Variants in ZNF385D observed in about 807,000 individuals in gnomAD.
ZNF385D encodes zinc finger protein 385D.
A neutral mutation model predicts 35.8 loss-of-function variants in ZNF385D; 15 were observed. The ratio of observed to expected loss-of-function variants is 0.42; its 90% confidence interval spans 0.28 to 0.64. The LOEUF (loss-of-function observed/expected upper bound fraction) is 0.64. Among genes scored for constraint, ZNF385D ranks in the 30% least tolerant of loss-of-function variants. The pLI, the probability that ZNF385D is intolerant of heterozygous loss-of-function variation, is 0.23. For missense variants in ZNF385D, 474 were observed against 494.6 expected (o/e 0.96, Z 0.39); for synonymous variants, 212 against 186.8 (o/e 1.13, Z -1.10).
intron 3 of ZNF385D, among the ~76,000 whole-genome samples, chr3:21,976,039 C>G (rs1471511386): frequency 6.6e-6 from 1 of 152,126 alleles, no homozygotes; most frequent in Non-Finnish European, 1.5e-5. Flanking sequence ...AGCAAACACT[C>G]AGGCTCTAAC....
intron 2 of ZNF385D, among the ~76,000 whole-genome samples, chr3:22,361,616 G>T (rs548158199): frequency 6.6e-6 from 1 of 151,972 alleles, no homozygotes; most frequent in Admixed American, 6.6e-5. Context: ...TTCCATTCAT[G>T]TACTATCATT....
intron 2 of ZNF385D, among the ~76,000 whole-genome samples, chr3:22,202,928 T>C (rs1696899514): frequency 6.6e-6 from 1 of 152,074 alleles, no homozygotes. Context: ...CTAAAGTGTT[T>C]TGGGGTTCTA....
intron 2 of ZNF385D, among the ~76,000 whole-genome samples, chr3:22,277,946 T>G (rs960458557): frequency 1.3e-5 from 2 of 152,116 alleles, no homozygotes; most frequent in Non-Finnish European, 2.9e-5. Flanking sequence ...CTCTAAAATA[T>G]GTTTAGTATT....
intron 3 of ZNF385D, among the ~76,000 whole-genome samples, chr3:21,962,641 C>A (rs1279491912): frequency 6.6e-6 from 1 of 152,138 alleles, no homozygotes; most frequent in Non-Finnish European, 1.5e-5. Context: ...GAAATGTGGT[C>A]AATATTTATG....
chr3:22,085,459 T>C (rs181411309), intron 3 of ZNF385D, among the ~76,000 whole-genome samples: 4 of 152,092 alleles, frequency 2.6e-5, no homozygotes, highest in Non-Finnish European at 4.4e-5. Context: ...TCCATGCAAA[T>C]AAACTAGAAA....
chr3:21,456,298 G>T (rs1158093295), intron 4 of ZNF385D, among the ~76,000 whole-genome samples: 1 of 152,164 alleles, frequency 6.6e-6, no homozygotes, highest in East Asian at 1.9e-4. Context: ...TATGTTTATT[G>T]TGGCACTATT....
intron 3 of ZNF385D, among the ~76,000 whole-genome samples, chr3:22,097,420 A>C (rs776105575): frequency 2.0e-5 from 3 of 151,994 alleles, no homozygotes; most frequent in Non-Finnish European, 4.4e-5. Context: ...GAAAGAGGTT[A>C]TTGGCTAGGT....
chr3:21,952,240 G>C (rs1702099916), intron 3 of ZNF385D, among the ~76,000 whole-genome samples: 1 of 151,920 alleles, frequency 6.6e-6, no homozygotes, highest in African/African-American at 2.4e-5. Flanking sequence ...TCACTGATCT[G>C]TATTTCCTTG....
chr3:22,140,435 T>C (rs530001485), intron 3 of ZNF385D, among the ~76,000 whole-genome samples: 4 of 152,296 alleles, frequency 2.6e-5, no homozygotes, highest in South Asian at 2.1e-4. Context: ...ATTAGTGTTA[T>C]GAAGATGTTA....
At chr3:21,687,636 T>C (rs2067148973) in intron 1 of ZNF385D, among the ~76,000 whole-genome samples, 2 of 152,184 alleles carry the variant, frequency 1.3e-5, no homozygotes, top group South Asian at 2.1e-4. Flanking sequence ...CTTGGTGTTG[T>C]ACATTCCCTG....
intron 4 of ZNF385D, among the ~76,000 whole-genome samples, chr3:21,447,811 A>C (rs1702234516): frequency 6.6e-6 from 1 of 152,132 alleles, no homozygotes; most frequent in African/African-American, 2.4e-5. Flanking sequence ...ACAAATACTC[A>C]CTCTAGAATC....
At chr3:21,569,418 G>C (rs561664489) in intron 2 of ZNF385D, among the ~76,000 whole-genome samples, 1 of 150,638 alleles carries the variant, frequency 6.6e-6, no homozygotes, top group African/African-American at 2.5e-5. Flanking sequence ...TTGCTTGGTA[G>C]ATCTTCCTCC....
chr3:22,105,108 C>T (rs1164579332), intron 3 of ZNF385D, among the ~76,000 whole-genome samples: 1 of 152,048 alleles, frequency 6.6e-6, no homozygotes, highest in Non-Finnish European at 1.5e-5. Flanking sequence ...TAAGTATTCA[C>T]TTTTACAGTC....
rs555867065 is a variant in ZNF385D at position 22,175,208 on chromosome 3, T to C, written c.107-6173A>G. Among the ~76,000 whole-genome samples, 6 of 152,170 alleles carry C rather than the reference T, an allele frequency of 3.9e-5. No homozygotes were observed. The South Asian group carries it at 1.0e-3, about 26-fold the overall frequency. On this transcript the variant is annotated intron_variant, in intron 2 of 5. Coordinates refer to the ZNF385D transcript ENST00000494108. Reference sequence around the variant, plus strand: ...GTAAAAATATAACAAAGATTTATTATTTGTAAGAATATGATGATACAACTG... The same window carrying C: ...GTAAAAATATAACAAAGATTTATTACTTGTAAGAATATGATGATACAACTG...
chr3:22,212,231 T>C (rs535516353), intron 2 of ZNF385D, among the ~76,000 whole-genome samples: 1 of 152,136 alleles, frequency 6.6e-6, no homozygotes, highest in African/African-American at 2.4e-5. Context: ...CATCAAACGC[T>C]GCCTCATCCC....
At chr3:21,557,691 G>A (rs542217188) in intron 3 of ZNF385D, among the ~76,000 whole-genome samples, 4 of 152,100 alleles carry the variant, frequency 2.6e-5, no homozygotes, top group Non-Finnish European at 4.4e-5. Context: ...AAGTTAGGGA[G>A]GATTCCCTCT....
At chr3:21,452,694 T>C (rs1702533447) in intron 4 of ZNF385D, among the ~76,000 whole-genome samples, 1 of 151,862 alleles carries the variant, frequency 6.6e-6, no homozygotes. Flanking sequence ...AAAACAATGT[T>C]GGAAAAAAAT....
Position 21,416,775 on chromosome 3 carries a change from T to C in ZNF385D, c.*4439A>G, listed in dbSNP as rs772606815. 2 of 152,150 alleles carry C rather than the reference T, an allele frequency of 1.3e-5. No homozygotes were observed. The highest frequency in any genetic ancestry group is 2.9e-5 in the Non-Finnish European group (2 of 68,014). The allele number at this position is 152,150 out of a possible 1,614,324, so 9.4% of individuals were successfully genotyped here. A position where few individuals can be genotyped will look rare whatever the true frequency, so the allele number is the denominator to read the frequency against. On this transcript the variant is annotated 3_prime_UTR_variant, in exon 8 of 8. Transcript: ENST00000281523. The stretch of plus-strand genomic sequence containing the variant: ...TGGTCTTAATAAGGCAACCATTAGT[T>C]AAAATACATGCAAACGCAGGACAGA...
intron 1 of ZNF385D, among the ~76,000 whole-genome samples, chr3:21,671,936 C>T (rs908037180): frequency 1.3e-5 from 2 of 152,028 alleles, no homozygotes; most frequent in African/African-American, 2.4e-5. Context: ...TTTCAAAACC[C>T]CTCAAATTTA....
Sources: gnomAD v4.1 joint callset for allele counts (sites outside exome capture counted in the v4.1 genomes callset) on GRCh38, gnomAD v4.1.1 for gene constraint, MANE v1.5 for transcripts, NCBI Gene and HGNC (gene_info 2026-07-23, HGNC 2026-07-21) for gene names.